ELAPOR2: variants seen among roughly 807,000 people sequenced by gnomAD.
ELAPOR2 encodes the protein endosome/lysosome-associated apoptosis and autophagy regulator family member 2.
ELAPOR2 carries 89 observed loss-of-function variants against 120.7 expected under a neutral mutation model. The ratio of observed to expected loss-of-function variants is 0.74; its 90% confidence interval spans 0.62 to 0.88. The LOEUF is 0.88. Among genes scored for constraint, ELAPOR2 ranks in the 40% least tolerant of loss-of-function variants. The probability of loss-of-function intolerance (pLI) is 0.00; values close to 1 mark genes in which losing one functional copy is unlikely to be tolerated. For missense variants in ELAPOR2, 1,134 were observed against 1,251.6 expected (o/e 0.91, Z 1.42); for synonymous variants, 444 against 444.9 (o/e 1.00, Z 0.03).
chr7:87,055,769 A>G (rs1418038834), intron 1 of ELAPOR2, among the ~76,000 whole-genome samples: 1 of 152,170 alleles, frequency 6.6e-6, no homozygotes, highest in Non-Finnish European at 1.5e-5. Flanking sequence ...TCCTTATCCA[A>G]TTAAATTATA....
chr7:86,962,861 C>A (rs982145882), intron 2 of ELAPOR2, among the ~76,000 whole-genome samples: 2 of 152,176 alleles, frequency 1.3e-5, no homozygotes, highest in Non-Finnish European at 2.9e-5. Context: ...ATGACACTGC[C>A]TTCAGCAGCC....
intron 1 of ELAPOR2, among the ~76,000 whole-genome samples, chr7:87,045,442 G>A (rs934660276): frequency 6.6e-6 from 1 of 151,120 alleles, no homozygotes; most frequent in African/African-American, 2.5e-5. Context: ...AAAATGATGA[G>A]TTCGTGTCCT....
chr7:86,881,691 T>G (rs1183700558), intron 21 of ELAPOR2, among the ~76,000 whole-genome samples: 1 of 152,070 alleles, frequency 6.6e-6, no homozygotes, highest in African/African-American at 2.4e-5. Context: ...AGACAACATT[T>G]TGCCATGTTG....
At chr7:86,898,306 G>C (rs904431039) in intron 18 of ELAPOR2, among the ~76,000 whole-genome samples, 7 of 152,064 alleles carry the variant, frequency 4.6e-5, no homozygotes, top group African/African-American at 1.7e-4. Context: ...AATCTATAGA[G>C]ACTGAAAGTA....
At chr7:86,973,087 C>G (rs1792158579) in intron 1 of ELAPOR2, among the ~76,000 whole-genome samples, 4 of 152,128 alleles carry the variant, frequency 2.6e-5, no homozygotes, top group Admixed American at 2.6e-4. Context: ...ACACCACCAT[C>G]AGCCTAATGG....
rs574073687 is a variant in ELAPOR2, at chr7:86,897,388, A to T, written c.2685+118T>A. The stretch of plus-strand genomic sequence containing the variant: ...CAAACTTGATTTTAAATGCCTACCA[A>T]TGTAACATTAAGTTAAATACAAGCT... On this transcript the variant is annotated intron_variant, in intron 19 of 21. Transcript: ENST00000450689. 31 of 1,249,408 alleles carry T rather than the reference A, an allele frequency of 2.5e-5. No homozygotes were observed. The East Asian group carries it at 7.0e-4, about 28-fold the overall frequency. The allele number at this position is 1,249,408 out of a possible 1,614,324, so 77.4% of individuals were successfully genotyped here. A position where few individuals can be genotyped will look rare whatever the true frequency, so the allele number is the denominator to read the frequency against.
chr7:87,032,215 T>A (rs1247784220), intron 1 of ELAPOR2, among the ~76,000 whole-genome samples: 1 of 152,184 alleles, frequency 6.6e-6, no homozygotes, highest in Non-Finnish European at 1.5e-5. Flanking sequence ...GTTTAAAGAT[T>A]GAGGCAATGA....
chr7:86,979,234 G>C (rs1002888047), intron 1 of ELAPOR2, among the ~76,000 whole-genome samples: 6 of 152,050 alleles, frequency 3.9e-5, no homozygotes, highest in Admixed American at 1.3e-4. Flanking sequence ...GACAAAAGTT[G>C]CCAACTCCCC....
chr7:87,053,549 A>T (rs1389428100), intron 1 of ELAPOR2, among the ~76,000 whole-genome samples: 1 of 152,060 alleles, frequency 6.6e-6, no homozygotes, highest in Non-Finnish European at 1.5e-5. Flanking sequence ...AAATGGGTGG[A>T]TTCTTCTTCT....
chr7:86,985,295 C>T (rs925009727), intron 1 of ELAPOR2, among the ~76,000 whole-genome samples: 2 of 152,214 alleles, frequency 1.3e-5, no homozygotes, highest in African/African-American at 4.8e-5. Context: ...CCTTCTGAAA[C>T]TATTCCAATC....
intron 1 of ELAPOR2, among the ~76,000 whole-genome samples, chr7:86,994,097 T>C (rs943185328): frequency 2.0e-5 from 3 of 152,250 alleles, no homozygotes; most frequent in Non-Finnish European, 4.4e-5. Context: ...TTTAGTCTTA[T>C]ATCTCTTTGT....
intron 18 of ELAPOR2, among the ~76,000 whole-genome samples, chr7:86,898,559 C>CA (rs11418158): frequency 0.43 from 28,728 of 66,042 alleles, 5,020 homozygotes; most frequent in African/African-American, 0.5. Flanking sequence ...ACACAATGAC[C>CA]AAAAAAAAAA....
intron 1 of ELAPOR2, among the ~76,000 whole-genome samples, chr7:87,002,612 T>G (rs1391195293): frequency 6.6e-6 from 1 of 151,916 alleles, no homozygotes; most frequent in African/African-American, 2.4e-5. Context: ...CCAGCAGGGG[T>G]AGGCAGAACA....
At chr7:86,966,062 C>T (rs1267032571) in intron 1 of ELAPOR2, 7 of 574,720 alleles carry the variant, frequency 1.2e-5, no homozygotes, top group Non-Finnish European at 1.5e-5. Context: ...TCTGGGTTCC[C>T]GTTTATTTAA....
At chr7:86,973,535 C>T (rs901225254) in intron 1 of ELAPOR2, among the ~76,000 whole-genome samples, 1 of 152,126 alleles carries the variant, frequency 6.6e-6, no homozygotes, top group Non-Finnish European at 1.5e-5. Flanking sequence ...GCCTCTTCCT[C>T]CTCAATACCT....
At chr7:86,986,548 C>A (rs192477105) in intron 1 of ELAPOR2, among the ~76,000 whole-genome samples, 1 of 130,290 alleles carries the variant, frequency 7.7e-6, no homozygotes, top group Admixed American at 7.3e-5. Flanking sequence ...CATTCCTACA[C>A]ACCATTAACA....
chr7:86,890,512 C>T (rs986385377), intron 21 of ELAPOR2, among the ~76,000 whole-genome samples: 8 of 151,976 alleles, frequency 5.3e-5, no homozygotes, highest in East Asian at 1.9e-4. Context: ...CTGCAAATAG[C>T]GCTGTGGGAA....
chr7:87,003,417 G>A (rs1241143173), intron 1 of ELAPOR2, among the ~76,000 whole-genome samples: 2 of 152,022 alleles, frequency 1.3e-5, no homozygotes, highest in Non-Finnish European at 2.9e-5. Context: ...TTTGATCATG[G>A]GGGCAAATTT....
At chr7:86,953,939 G>T (rs887054448) in intron 2 of ELAPOR2, among the ~76,000 whole-genome samples, 1 of 152,146 alleles carries the variant, frequency 6.6e-6, no homozygotes, top group Non-Finnish European at 1.5e-5. Flanking sequence ...GTCATTTGCT[G>T]CACTCACTGT....
Sources: gnomAD v4.1 joint callset for allele counts (sites outside exome capture counted in the v4.1 genomes callset) on GRCh38, gnomAD v4.1.1 for gene constraint, MANE v1.5 for transcripts, NCBI Gene and HGNC (gene_info 2026-07-23, HGNC 2026-07-21) for gene names.